The following TMEM236 variants were observed in gnomAD, a reference collection of about 807,000 sequenced individuals.
TMEM236 encodes the protein family with sequence similarity 23, member A.
In TMEM236, 11 loss-of-function variants were observed where a neutral mutation model predicts 14.7. The observed-to-expected ratio is 0.75, with a 90% confidence interval of 0.47 to 1.24. The LOEUF is 1.24. Among genes scored for constraint, TMEM236 ranks in the 50% most tolerant of loss-of-function variants. The pLI, the probability that TMEM236 is intolerant of heterozygous loss-of-function variation, is 0.00. For missense variants in TMEM236, 464 were observed against 427.3 expected, an observed-to-expected ratio of 1.09 and a Z score of -0.76; for synonymous variants, 182 against 168.6, an observed-to-expected ratio of 1.08 and a Z score of -0.62.
At position 17,796,021 on chromosome 10, in the gene TMEM236, A is replaced by G. The variant is rs1169245113; in HGVS notation, c.573A>G (p.Ala191=). The stretch of plus-strand genomic sequence containing the variant: ...CAGAAAACGCTGCATCTCCCCAGGC[A>G]ACCAACAGCACCCAGGTGTCGCAGC... ...QSPENAASPQ[A]TNSTQVSQPS... is the part of the protein sequence containing the mutation. Residue 191 remains alanine (A), a synonymous_variant, in exon 4 of 4, where the codon GCA becomes GCG. Transcript: ENST00000377495. The G allele has an allele frequency of 2.9e-5, 47 of 1,613,870 alleles. No individual in the cohort carries two copies. The highest frequency in any genetic ancestry group is 1.6e-4 in the Middle Eastern group (1 of 6,078).
Position 17,768,086 on chromosome 10 carries a change from G to GTTTTT in TMEM236, c.258-3205_258-3201dup, listed in dbSNP as rs879036347. Among the ~76,000 whole-genome samples, 161 of 91,966 alleles carry GTTTTT rather than the reference G, an allele frequency of 1.8e-3. 1 individual carries two copies. The highest frequency in any genetic ancestry group is 6.5e-3 in the Middle Eastern group (1 of 154). The allele number at this position is 91,966 out of a possible 152,430, so 60.3% of individuals were successfully genotyped here. On this transcript the variant is annotated intron_variant, in intron 1 of 3. Coordinates refer to ENST00000377495, the MANE Select transcript of TMEM236 (RefSeq NM_001098844.3). ...CCACCACACCTCGCTAATTTTTGTG[G>GTTTTT]TTTTTTTTTTTTTTTTTTTTTTGTA...
In TMEM236 at chr10:17,796,310, C is replaced by T. The variant is rs1358823749; in HGVS notation, c.862C>T (p.Leu288Phe). 2.5e-6 allele frequency: 4 copies of T among 1,613,874 alleles called. No homozygotes were observed. Among genetic ancestry groups the T allele is most frequent in the Non-Finnish European group, 3.4e-6 (4 of 1,179,882 alleles). Reference sequence around the variant, plus strand: ...AATTACATTCACTCCCCAAAACCCTCTTCTCAATTCCCTGAGCGTCCTGCT... The same window carrying T: ...AATTACATTCACTCCCCAAAACCCTTTTCTCAATTCCCTGAGCGTCCTGCT... ...LRITFTPQNPLLNSLSVLLQD... is the reference protein window; with the variant it reads ...LRITFTPQNPFLNSLSVLLQD... Residue 288 changes from leucine to phenylalanine, a missense_variant, in exon 4 of 4, where the codon CTT (leucine) becomes TTT (phenylalanine). Leu to Phe is a conservative substitution (Grantham distance 22). Coordinates refer to ENST00000377495, the MANE Select transcript of TMEM236 (RefSeq NM_001098844.3).
intron 1 of TMEM236, among the ~76,000 whole-genome samples, chr10:17,758,471 G>GA (rs1346660038): frequency 8.1e-4 from 123 of 152,316 alleles, no homozygotes; most frequent in African/African-American, 2.9e-3. Flanking sequence ...CATTGACCAT[G>GA]AAACCTTATG....
intron 1 of TMEM236, among the ~76,000 whole-genome samples, chr10:17,765,150 T>G (rs1473254879): frequency 1.3e-5 from 2 of 151,996 alleles, no homozygotes; most frequent in Admixed American, 6.6e-5. Context: ...AGGACACCAG[T>G]CATATTGGAT....
At chr10:17,773,661 T>A (rs1377190416) in intron 2 of TMEM236, among the ~76,000 whole-genome samples, 1 of 152,186 alleles carries the variant, frequency 6.6e-6, no homozygotes, top group African/African-American at 2.4e-5. Flanking sequence ...TTATTTCAGC[T>A]CTTCTGGTGG....
intron 3 of TMEM236, among the ~76,000 whole-genome samples, chr10:17,786,026 C>A (rs1233740454): frequency 1.3e-5 from 2 of 152,062 alleles, no homozygotes; most frequent in Non-Finnish European, 2.9e-5. Context: ...GTGAAAGCTC[C>A]CTTTGATCTT....
chr10:17,761,396 A>T (rs901491505), intron 1 of TMEM236, among the ~76,000 whole-genome samples: 28 of 150,246 alleles, frequency 1.9e-4, no homozygotes, highest in African/African-American at 7.1e-4. Context: ...TTCTCTCCTT[A>T]AAAAAAGTTT....
chr10:17,759,550 T>C (rs1299286578), intron 1 of TMEM236, among the ~76,000 whole-genome samples: 4 of 152,194 alleles, frequency 2.6e-5, no homozygotes, highest in African/African-American at 4.8e-5. Flanking sequence ...GTGGTGATCA[T>C]AGTAGTAGTA....
chr10:17,776,591 T>G (rs1251251863), intron 3 of TMEM236, among the ~76,000 whole-genome samples: 1 of 152,196 alleles, frequency 6.6e-6, no homozygotes, highest in African/African-American at 2.4e-5. Context: ...TCCTAGATAA[T>G]CATGTGTTTT....
rs889341760 is a variant in TMEM236 at position 17,782,779 on chromosome 10, G to T, written c.472+6609G>T. Among the ~76,000 whole-genome samples, 102 of 152,146 alleles carry T rather than the reference G, an allele frequency of 6.7e-4. 4 individuals carry two copies. The South Asian group carries it at 0.017, about 25-fold the overall frequency. On this transcript the variant is annotated intron_variant, in intron 3 of 3. Coordinates refer to ENST00000377495, the MANE Select transcript of TMEM236 (RefSeq NM_001098844.3). ...TTATTACATCTTCTACTGTGTAGAA[G>T]GTGTTATTGGTCAAATTATATTCCA... is the stretch of plus-strand genomic sequence containing the variant.
chr10:17,775,114 T>A (rs1267615348), intron 2 of TMEM236, among the ~76,000 whole-genome samples: 2 of 152,180 alleles, frequency 1.3e-5, no homozygotes, highest in Admixed American at 1.3e-4. Flanking sequence ...ACTGTTTATT[T>A]CATTCTCTGG....
chr10:17,771,919 T>C (rs188843114), intron 2 of TMEM236, among the ~76,000 whole-genome samples: 3,306 of 152,306 alleles, frequency 0.022, 107 homozygotes, highest in African/African-American at 0.074. Flanking sequence ...TTGTAAGTAC[T>C]TCATTATCCA....
intron 1 of TMEM236, among the ~76,000 whole-genome samples, chr10:17,758,998 G>GGGA (rs1275498683): frequency 6.6e-6 from 1 of 152,176 alleles, no homozygotes; most frequent in Non-Finnish European, 1.5e-5. Context: ...CATTTTATGA[G>GGGA]GGAGGAAACA....
chr10:17,798,831 C>T lies in TMEM236; in HGVS notation c.*2327C>T, dbSNP rs1297283775. Reference sequence around the variant, plus strand: ...CCTTTGAGCACATTTTCTGGCAAACCATAATAACTTGATAAATGCTAAGCA... The same window carrying T: ...CCTTTGAGCACATTTTCTGGCAAACTATAATAACTTGATAAATGCTAAGCA... On this transcript the variant is annotated 3_prime_UTR_variant, in exon 4 of 4. Coordinates refer to ENST00000377495, the MANE Select transcript of TMEM236 (RefSeq NM_001098844.3). 2 of 389,248 alleles carry T rather than the reference C, an allele frequency of 5.1e-6. No individual in the cohort carries two copies. The highest frequency in any genetic ancestry group is 1.0e-5 in the Non-Finnish European group (2 of 193,692). The allele number at this position is 389,248 out of a possible 1,614,324, so 24.1% of individuals were successfully genotyped here.
At chr10:17,786,095 C>A (rs1194757651) in intron 3 of TMEM236, among the ~76,000 whole-genome samples, 1 of 151,934 alleles carries the variant, frequency 6.6e-6, no homozygotes, top group Non-Finnish European at 1.5e-5. Flanking sequence ...CCTAAGTGGG[C>A]AAAAGAATTG....
At chr10:17,776,855 C>G (rs1431666835) in intron 3 of TMEM236, among the ~76,000 whole-genome samples, 1 of 152,086 alleles carries the variant, frequency 6.6e-6, no homozygotes, top group Non-Finnish European at 1.5e-5. Context: ...ACAGATTGGC[C>G]CTTACAAAAA....
chr10:17,756,756 T>C (rs1370277120), intron 1 of TMEM236, among the ~76,000 whole-genome samples: 1 of 152,208 alleles, frequency 6.6e-6, no homozygotes, highest in Non-Finnish European at 1.5e-5. Flanking sequence ...TTCTAGCCAC[T>C]GTCCCAAACT....
chr10:17,753,273 A>G (rs1392224242), intron 1 of TMEM236, among the ~76,000 whole-genome samples: 1 of 152,048 alleles, frequency 6.6e-6, no homozygotes, highest in African/African-American at 2.4e-5. Context: ...TTTGACTTTT[A>G]ACTTTTAAGT....
At chr10:17,791,199 C>A (rs1482100713) in intron 3 of TMEM236, among the ~76,000 whole-genome samples, 1 of 151,274 alleles carries the variant, frequency 6.6e-6, no homozygotes, top group Non-Finnish European at 1.5e-5. Flanking sequence ...TAATTTGGTG[C>A]GTTGGGAGGC....
Sources: gnomAD v4.1 joint callset for allele counts (sites outside exome capture counted in the v4.1 genomes callset) on GRCh38, gnomAD v4.1.1 for gene constraint, MANE v1.5 for transcripts, NCBI Gene and HGNC (gene_info 2026-07-23, HGNC 2026-07-21) for gene names.